Variants in TMEM47 observed in about 807,000 individuals in gnomAD.
TMEM47 encodes the protein brain cell membrane protein 1.
In TMEM47, 3 loss-of-function variants were observed where a neutral mutation model predicts 12.4. The observed-to-expected ratio is 0.24, with a 90% confidence interval of 0.11 to 0.63. TMEM47 has a LOEUF of 0.63. Among genes scored for constraint, TMEM47 ranks in the 20% least tolerant of loss-of-function variants. TMEM47 has a pLI of 0.86. For missense variants in TMEM47, 89 were observed against 143.8 expected, an observed-to-expected ratio of 0.62 and a Z score of 1.95; for synonymous variants, 62 against 63.3, an observed-to-expected ratio of 0.98 and a Z score of 0.10.
At chrX:34,635,306 T>C (rs1921696408) in intron 2 of TMEM47, among the ~76,000 whole-genome samples, 1 of 112,218 alleles carries the variant, frequency 8.9e-6, no homozygotes, top group Non-Finnish European at 1.9e-5. Context: ...GAGTGACAAC[T>C]GGCTTGATAA....
At chrX:34,638,779 C>A (rs1569163273) in intron 2 of TMEM47, among the ~76,000 whole-genome samples, 2 of 111,818 alleles carry the variant, frequency 1.8e-5, no homozygotes, top group African/African-American at 3.3e-5. Context: ...CAATTGACTT[C>A]ATATAATTGA....
At chrX:34,635,822 G>A (rs1182998035) in intron 2 of TMEM47, among the ~76,000 whole-genome samples, 1 of 97,000 alleles carries the variant, frequency 1.0e-5, no homozygotes, top group Admixed American at 1.2e-4. Context: ...AATAATGATG[G>A]TGTACGAAAA....
At chrX:34,654,438 CCT>C (rs1460970711) in intron 1 of TMEM47, among the ~76,000 whole-genome samples, 1 of 111,878 alleles carries the variant, frequency 8.9e-6, no homozygotes, top group African/African-American at 3.3e-5. Flanking sequence ...CATTTCCCTC[CCT>C]GTTTTCTGCT....
chrX:34,634,562 G>T (rs1386009558), intron 2 of TMEM47, among the ~76,000 whole-genome samples: 1 of 112,237 alleles, frequency 8.9e-6, no homozygotes, highest in African/African-American at 3.2e-5. Flanking sequence ...GTGGAGACAG[G>T]CACACAAGTA....
Position 34,630,268 on chromosome X carries a change from T to C in TMEM47, c.*45A>G, listed in dbSNP as rs1255885485. ...GTTAGAAAAGATGCAGACGTAATCC[T>C]TTTGTTGGATGGTGGTGGTTGTTTT... On this transcript the variant is annotated 3_prime_UTR_variant, in exon 3 of 3. Transcript: ENST00000275954. 2 of 1,110,861 alleles carry C rather than the reference T, an allele frequency of 1.8e-6. No individual in the cohort carries two copies. Among genetic ancestry groups the C allele is most frequent in the East Asian group, 3.0e-5 (1 of 32,853 alleles). The allele number at this position is 1,110,861 out of a possible 1,213,427, so 91.5% of individuals were successfully genotyped here. A position where few individuals can be genotyped will look rare whatever the true frequency, so the allele number is the denominator to read the frequency against.
chrX:34,655,911 A>G (rs946883570), intron 1 of TMEM47, among the ~76,000 whole-genome samples: 5 of 111,884 alleles, frequency 4.5e-5, no homozygotes, highest in African/African-American at 1.6e-4. Context: ...GCGAGAAATC[A>G]TAAGTTGACT....
chrX:34,656,397 G>A (rs886936040), intron 1 of TMEM47, among the ~76,000 whole-genome samples: 20 of 110,179 alleles, frequency 1.8e-4, no homozygotes, highest in Non-Finnish European at 2.8e-4. Context: ...AGACCGAACA[G>A]CGAACCCCCG....
In TMEM47 at chrX:34,643,412, G is replaced by T. The variant is rs753375740; in HGVS notation, c.227-4025C>A. ...TTCTACCCTGACTTTTCCACCAAAA[G>T]ATTTGCATGCCACAAATACCTGCTA... On this transcript the variant is annotated intron_variant, in intron 1 of 2. Coordinates refer to ENST00000275954, the MANE Select transcript of TMEM47 (RefSeq NM_031442.4). 9.9e-5 allele frequency among the ~76,000 whole-genome samples: 11 copies of T among 110,789 alleles called. No individual in the cohort carries two copies. The East Asian group carries it at 2.6e-3, about 26-fold the overall frequency.
rs1462889522 is a variant in TMEM47 at position 34,627,702 on chromosome X, T to C, written c.*2611A>G. On this transcript the variant is annotated 3_prime_UTR_variant, in exon 3 of 3. Coordinates refer to ENST00000275954, the MANE Select transcript of TMEM47 (RefSeq NM_031442.4). ...ATATATGTGTGTATATCTATATCTATAGATGTAGATCTATATCCATAGATA... is the reference window on the plus strand; with the variant it reads ...ATATATGTGTGTATATCTATATCTACAGATGTAGATCTATATCCATAGATA... 8.9e-6 allele frequency: 1 copy of C among 112,152 alleles called. No homozygotes were observed. The highest frequency in any genetic ancestry group is 2.8e-4 in the East Asian group (1 of 3,580). The allele number at this position is 112,152 out of a possible 1,213,427, so 9.2% of individuals were successfully genotyped here.
intron 1 of TMEM47, among the ~76,000 whole-genome samples, chrX:34,645,815 T>C (rs1343767187): frequency 1.8e-5 from 2 of 112,274 alleles, no homozygotes; most frequent in Non-Finnish European, 3.8e-5. Flanking sequence ...GGCAAGTAAT[T>C]ATTTGTATTT....
intron 2 of TMEM47, among the ~76,000 whole-genome samples, chrX:34,638,329 G>A: frequency 9.0e-6 from 1 of 111,470 alleles, no homozygotes; most frequent in Non-Finnish European, 1.9e-5. Flanking sequence ...GCCTTCATGG[G>A]TATAAGAAAA....
intron 2 of TMEM47, among the ~76,000 whole-genome samples, chrX:34,634,807 T>C (rs1044473047): frequency 2.7e-5 from 3 of 111,942 alleles, no homozygotes; most frequent in African/African-American, 9.7e-5. Flanking sequence ...TATTCTATAG[T>C]GCTTACAGCT....
intron 2 of TMEM47, among the ~76,000 whole-genome samples, chrX:34,634,526 G>A (rs1034427481): frequency 2.0e-4 from 22 of 112,239 alleles, no homozygotes; most frequent in African/African-American, 6.8e-4. Context: ...CATGGCCCTC[G>A]CCCTTTGATG....
rs1320667449 is a variant in TMEM47 at position 34,639,282 on chromosome X, A to T, written c.332T>A (p.Phe111Tyr). The T allele has an allele frequency of 3.3e-6, 4 of 1,199,047 alleles. No individual in the cohort carries two copies. Among genetic ancestry groups the T allele is most frequent in the Non-Finnish European group, 4.5e-6 (4 of 889,542 alleles). ...ISICVGSRRR[F>Y]YRPVAVMLFA... Reference sequence around the variant, plus strand: ...AAGCATGACCGCAACAGGTCTATAGAAACGCCTTCGAGATCCCACGCAGAT... The same window carrying T: ...AAGCATGACCGCAACAGGTCTATAGTAACGCCTTCGAGATCCCACGCAGAT... The change falls in exon 2 of 3, where the codon TTC (phenylalanine) becomes TAC (tyrosine). Residue 111 changes from phenylalanine to tyrosine, a missense_variant. Physicochemically the swap from Phe to Tyr is conservative, Grantham distance 22 (BLOSUM62 3). Transcript: ENST00000275954.
At chrX:34,652,699 A>T (rs1267480997) in intron 1 of TMEM47, among the ~76,000 whole-genome samples, 1 of 112,294 alleles carries the variant, frequency 8.9e-6, no homozygotes, top group East Asian at 2.8e-4. Flanking sequence ...CATCAGGAAG[A>T]TCTTGAAATA....
intron 1 of TMEM47, among the ~76,000 whole-genome samples, chrX:34,641,386 C>T (rs1484400656): frequency 8.9e-6 from 1 of 111,835 alleles, no homozygotes; most frequent in African/African-American, 3.2e-5. Flanking sequence ...TCTTATAGAA[C>T]GATTATTACT....
At chrX:34,641,470 A>G (rs1403212573) in intron 1 of TMEM47, among the ~76,000 whole-genome samples, 1 of 112,059 alleles carries the variant, frequency 8.9e-6, no homozygotes, top group African/African-American at 3.2e-5. Context: ...ATCAAAATGT[A>G]ACTAAATATC....
intron 1 of TMEM47, among the ~76,000 whole-genome samples, chrX:34,641,151 T>G (rs1369773905): frequency 9.1e-6 from 1 of 110,309 alleles, no homozygotes; most frequent in African/African-American, 3.3e-5. Context: ...TTGGGAAAAG[T>G]TTACACAAGT....
intron 2 of TMEM47, 79 bp downstream of exon 2, chrX:34,639,168 C>A: frequency 1.9e-6 from 2 of 1,063,343 alleles, no homozygotes; most frequent in Non-Finnish European, 2.5e-6. Context: ...AAACACATAC[C>A]TCTTCTGCAT....
Sources: allele counts gnomAD v4.1 joint callset (sites outside exome capture counted in the v4.1 genomes callset), GRCh38; gene constraint gnomAD v4.1.1; transcripts MANE v1.5; gene names NCBI Gene and HGNC (gene_info 2026-07-23, HGNC 2026-07-21).